The following EML2 variants were observed in gnomAD, a reference collection of about 807,000 sequenced individuals.
The protein encoded by EML2 is EMAP like 2, also known as echinoderm microtubule-associated protein-like 2.
EML2 carries 59 observed loss-of-function variants against 84.7 expected under a neutral mutation model. The ratio of observed to expected loss-of-function variants is 0.70; its 90% CI spans 0.56 to 0.86. EML2 has a LOEUF of 0.86. EML2 is among the 40% of genes least tolerant of loss of function. EML2 has a pLI of 0.00. For missense variants in EML2, 818 were observed against 855.6 expected (o/e 0.96, Z 0.55); for synonymous variants, 352 against 348.9 (o/e 1.01, Z -0.10).
At chr19:45,641,793 A>G (rs1568496491), upstream of EML2, 7 of 1,529,656 alleles carry the variant, frequency 4.6e-6, no homozygotes, top group Non-Finnish European at 6.1e-6. Context: ...CTAGGCCAGC[A>G]GGCGAGTGCC....
intron 2 of EML2, 67 bp downstream of exon 2, chr19:45,638,778 C>T: frequency 6.2e-7 from 1 of 1,604,232 alleles, no homozygotes; most frequent in Non-Finnish European, 8.5e-7. Flanking sequence ...GACTCCTGAC[C>T]TCTGGCTCCA....
At chr19:45,635,575 T>C (rs984846618) in intron 3 of EML2, among the ~76,000 whole-genome samples, 1 of 147,444 alleles carries the variant, frequency 6.8e-6, no homozygotes, top group Non-Finnish European at 1.5e-5. Flanking sequence ...AAAATGAATG[T>C]CTGTTTCCTT....
upstream of EML2, among the ~76,000 whole-genome samples, chr19:45,644,462 A>G (rs1974876229): frequency 6.6e-6 from 1 of 152,068 alleles, no homozygotes; most frequent in Non-Finnish European, 1.5e-5. Flanking sequence ...AGAGGACTGA[A>G]CCTCCAAACT....
Position 45,609,461 on chromosome 19 carries a change from C to G in EML2, c.*202G>C. On this transcript the variant is annotated 3_prime_UTR_variant, in exon 19 of 19. Coordinates refer to ENST00000245925, the MANE Select transcript of EML2 (RefSeq NM_012155.4). The stretch of plus-strand genomic sequence containing the variant: ...GAAAAAACTTAAAAAACACCCCAAA[C>G]CAAACACCAATGGATCCCCAAAGCG... 9.2e-6 allele frequency: 5 copies of G among 542,110 alleles called. No homozygotes were observed. 33.6% of individuals were successfully genotyped at this position (542,110 alleles called of 1,614,324 possible). A position where few individuals can be genotyped will look rare whatever the true frequency, so the allele number is the denominator to read the frequency against.
At chr19:45,613,405 C>A (rs759574884) in intron 18 of EML2, 136 bp downstream of exon 18, 3 of 1,052,830 alleles carry the variant, frequency 2.8e-6, no homozygotes, top group Non-Finnish European at 4.0e-6. Context: ...CCCTTGGGAT[C>A]AAGACTACTG....
At chr19:45,618,519 C>T (rs975525863) in intron 12 of EML2, among the ~76,000 whole-genome samples, 1 of 152,128 alleles carries the variant, frequency 6.6e-6, no homozygotes, top group Non-Finnish European at 1.5e-5. Flanking sequence ...CTCCCCCCTC[C>T]TCATGGCGGC....
upstream of EML2, chr19:45,645,517 G>C: frequency 2.3e-6 from 3 of 1,324,020 alleles, no homozygotes; most frequent in Non-Finnish European, 3.0e-6. Flanking sequence ...AGGATGCCCA[G>C]AAAGGGGGGT....
chr19:45,610,640 C>T (rs981448406), intron 18 of EML2, among the ~76,000 whole-genome samples: 1 of 152,022 alleles, frequency 6.6e-6, no homozygotes, highest in African/African-American at 2.4e-5. Context: ...GAGTTCGATA[C>T]CAGCCTGGCC....
intron 8 of EML2, among the ~76,000 whole-genome samples, chr19:45,625,343 C>T (rs527794732): frequency 2.0e-5 from 3 of 152,216 alleles, no homozygotes; most frequent in Admixed American, 6.5e-5. Flanking sequence ...CGGGTTCAAG[C>T]GATTCTCCCG....
intron 18 of EML2, 27 bp from the exon 19 acceptor site, chr19:45,609,815 G>C: frequency 6.2e-7 from 1 of 1,608,728 alleles, no homozygotes; most frequent in Non-Finnish European, 8.5e-7. Flanking sequence ...AGTAAGTGAA[G>C]AAATGTCAGT....
At chr19:45,620,875 C>T (rs546766427) in intron 11 of EML2, 6 of 417,998 alleles carry the variant, frequency 1.4e-5, no homozygotes, top group South Asian at 5.7e-5. Context: ...TTCCCCAATC[C>T]GTGGAGCTGG....
Position 45,632,844 on chromosome 19 carries a change from G to T in EML2, c.510+17C>A. ...TTCGGGGCGAAGGGGCGGGGTTAGG[G>T]TGGGCGAAGGACTTACAGATTTGGA... On this transcript the variant is annotated intron_variant, in intron 6 of 18. Transcript: ENST00000245925. The T allele has an allele frequency of 6.2e-7, 1 of 1,608,196 alleles. No homozygotes were observed.
At chr19:45,641,692 G>A, upstream of EML2, 3 of 1,536,166 alleles carry the variant, frequency 2.0e-6, no homozygotes, top group East Asian at 2.4e-5. Context: ...CCGGCTGCGG[G>A]GGTCCTCACG....
rs750436645 is a variant in EML2, at chr19:45,638,866, T to C, written c.28A>G (p.Lys10Glu). ...TCACCCACACTGAAGATAACTTCTT[T>C]GGTTTTGCTGTCAGGAAAGGACAAA... is the stretch of plus-strand genomic sequence containing the variant. MSSFGAGKT[K>E]EVIFSVEDGS... Residue 10 changes from lysine to glutamate, a missense_variant, in exon 2 of 19, where the codon AAA becomes GAA. By Grantham distance (56) the Lys-to-Glu change is moderately conservative. Transcript: ENST00000245925. 1.1e-5 allele frequency: 17 copies of C among 1,613,440 alleles called. No homozygotes were observed. In the East Asian group the frequency reaches 3.8e-4, roughly 36 times the overall value.
At chr19:45,628,304 G>T (rs1187386252) in intron 7 of EML2, among the ~76,000 whole-genome samples, 6 of 151,678 alleles carry the variant, frequency 4.0e-5, no homozygotes, top group Non-Finnish European at 7.4e-5. Flanking sequence ...GGTGGTGGAG[G>T]TTGCAGTGAG....
chr19:45,633,073 C>T lies in EML2; in HGVS notation c.396G>A (p.Gly132=). 1.9e-6 allele frequency: 3 copies of T among 1,591,480 alleles called. No individual in the cohort carries two copies. The highest frequency in any genetic ancestry group is 2.6e-6 in the Non-Finnish European group (3 of 1,169,476). ...TGQVAGTTKE[G]KPLPPHVRIW... ...GCTTTCCCCTCCCTTCCATTACCTT[C>T]CCTTCCTTAGTGGTTCCCGCCACCT... The change falls in exon 5 of 19, where the codon GGG becomes GGA. Residue 132 remains glycine (G), a synonymous_variant. Transcript: ENST00000245925.
chr19:45,634,876 C>T (rs1973539772), intron 3 of EML2, among the ~76,000 whole-genome samples: 1 of 149,828 alleles, frequency 6.7e-6, no homozygotes, highest in South Asian at 2.1e-4. Flanking sequence ...TTTTGAGACG[C>T]AGTCTCGCTC....
intron 11 of EML2, 80 bp downstream of exon 11, chr19:45,621,127 G>A: frequency 6.5e-7 from 1 of 1,545,038 alleles, no homozygotes; most frequent in Non-Finnish European, 8.7e-7. Flanking sequence ...AACTGGGAGT[G>A]GGGAGGGGGA....
At position 45,617,646 on chromosome 19, in the gene EML2, C is replaced by T. The variant is rs1393006128; in HGVS notation, c.1306G>A (p.Gly436Ser). 1 of 1,613,858 alleles carries T rather than the reference C, an allele frequency of 6.2e-7. No individual in the cohort carries two copies. The highest frequency in any genetic ancestry group is 1.1e-5 in the South Asian group (1 of 91,042). ...FHPSGSVLAV[G>S]TVTGRWLLLD... is the part of the protein sequence containing the mutation. ...CAGCTTTACCTGCCAGTCACTGTAC[C>T]CACAGCCAGGACAGAGCCACTGGGG... is the stretch of plus-strand genomic sequence containing the variant. Residue 436 changes from glycine (G) to serine (S), a missense_variant, in exon 13 of 19, where the codon GGT (glycine) becomes AGT (serine). Coordinates refer to ENST00000245925, the MANE Select transcript of EML2 (RefSeq NM_012155.4).
Sources: allele counts gnomAD v4.1 joint callset (sites outside exome capture counted in the v4.1 genomes callset), GRCh38; gene constraint gnomAD v4.1.1; transcripts MANE v1.5; gene names NCBI Gene and HGNC (gene_info 2026-07-23, HGNC 2026-07-21).